SEPTIN7: variants seen among roughly 807,000 people sequenced by gnomAD.
The protein encoded by SEPTIN7 is septin-7.
A neutral mutation model predicts 63.3 loss-of-function variants in SEPTIN7; 10 were observed. The ratio of observed to expected loss-of-function variants is 0.16; its 90% CI spans 0.10 to 0.27. The LOEUF is 0.27. Ranked by LOEUF, SEPTIN7 falls within the 10% of genes least tolerant of loss-of-function variation. The pLI, the probability that SEPTIN7 is intolerant of heterozygous loss-of-function variation, is 1.00. For synonymous variants in SEPTIN7, 131 were observed against 165.3 expected, an observed-to-expected ratio of 0.79 and a Z score of 1.59; for missense variants, 310 against 521.0, an observed-to-expected ratio of 0.59 and a Z score of 3.94.
chr7:35,837,283 A>G (rs1784127741), intron 3 of SEPTIN7, among the ~76,000 whole-genome samples: 6 of 152,270 alleles, frequency 3.9e-5, no homozygotes, highest in South Asian at 4.1e-4. Context: ...GTAATGTTCT[A>G]TGATTGCCTT....
chr7:35,888,549 G>T (rs982470906), intron 10 of SEPTIN7, among the ~76,000 whole-genome samples: 1 of 152,124 alleles, frequency 6.6e-6, no homozygotes, highest in African/African-American at 2.4e-5. Flanking sequence ...GCCAGGTGCA[G>T]TGGTTCACAC....
chr7:35,816,437 T>A (rs990825058), intron 1 of SEPTIN7, among the ~76,000 whole-genome samples: 37 of 152,234 alleles, frequency 2.4e-4, no homozygotes, highest in African/African-American at 8.2e-4. Flanking sequence ...CTGGATATTA[T>A]TCTGTTGTAT....
At chr7:35,843,230 A>G (rs1784494901) in intron 3 of SEPTIN7, among the ~76,000 whole-genome samples, 1 of 152,218 alleles carries the variant, frequency 6.6e-6, no homozygotes, top group African/African-American at 2.4e-5. Flanking sequence ...AGGGGGAGGC[A>G]GTGGCCCTGC....
intron 1 of SEPTIN7, among the ~76,000 whole-genome samples, chr7:35,807,402 C>G (rs1057351228): frequency 6.9e-6 from 1 of 145,162 alleles, no homozygotes; most frequent in Non-Finnish European, 1.5e-5. Context: ...CTCTGTGTCG[C>G]CCAGGCTGGA....
chr7:35,828,702 C>G (rs1783648045), intron 1 of SEPTIN7, among the ~76,000 whole-genome samples: 1 of 152,112 alleles, frequency 6.6e-6, no homozygotes. Context: ...TATAGTCTGT[C>G]TTTGGGAATC....
chr7:35,801,302 G>C (rs1215367225), intron 1 of SEPTIN7, 32 bp downstream of exon 1: 1 of 1,516,718 alleles, frequency 6.6e-7, no homozygotes, highest in African/African-American at 1.4e-5. Context: ...CGCGACTTGG[G>C]GTCAGCGGCT....
At chr7:35,842,313 G>T (rs1784445425) in intron 3 of SEPTIN7, among the ~76,000 whole-genome samples, 1 of 150,468 alleles carries the variant, frequency 6.6e-6, no homozygotes, top group Admixed American at 6.6e-5. Flanking sequence ...TGGTAAATTT[G>T]CCAACCTTGT....
chr7:35,825,871 A>G (rs980839563), intron 1 of SEPTIN7, among the ~76,000 whole-genome samples: 10 of 152,158 alleles, frequency 6.6e-5, no homozygotes, highest in Non-Finnish European at 1.3e-4. Flanking sequence ...AATCTTTTTA[A>G]CAGATTAACT....
At chr7:35,863,511 A>AG (rs1323847159) in intron 3 of SEPTIN7, 41 bp from the exon 4 acceptor site, 21 of 1,223,964 alleles carry the variant, frequency 1.7e-5, no homozygotes, top group Non-Finnish European at 2.3e-5. Flanking sequence ...GATTGCGTAA[A>AG]GTGGGTGAGT....
intron 4 of SEPTIN7, among the ~76,000 whole-genome samples, chr7:35,865,490 A>T (rs865821100): frequency 6.6e-6 from 1 of 151,464 alleles, no homozygotes; most frequent in African/African-American, 2.4e-5. Flanking sequence ...ATCGTATGCT[A>T]CTCCATTGTG....
chr7:35,848,412 C>A (rs1269935373), intron 3 of SEPTIN7, among the ~76,000 whole-genome samples: 14 of 152,088 alleles, frequency 9.2e-5, no homozygotes, highest in African/African-American at 2.2e-4. Context: ...GGACCACAGG[C>A]GCCCACCACC....
At chr7:35,843,989 A>G (rs1784534938) in intron 3 of SEPTIN7, among the ~76,000 whole-genome samples, 1 of 152,202 alleles carries the variant, frequency 6.6e-6, no homozygotes, top group Admixed American at 6.5e-5. Context: ...TATGTTACAG[A>G]TGGAAATAAT....
intron 4 of SEPTIN7, among the ~76,000 whole-genome samples, chr7:35,864,882 A>C (rs1168557082): frequency 1.3e-5 from 2 of 152,156 alleles, no homozygotes; most frequent in Non-Finnish European, 2.9e-5. Flanking sequence ...ATCCCAGTGC[A>C]CAGGATGGAG....
At chr7:35,888,884 C>CATAGGTATTTGTT (rs1787457608) in intron 10 of SEPTIN7, 1 of 309,144 alleles carries the variant, frequency 3.2e-6, no homozygotes, top group Admixed American at 4.0e-5. Flanking sequence ...TTTATATTGG[C>CATAGGTATTTGTT]ATAGGTATTT....
At chr7:35,811,911 A>C (rs969553974) in intron 1 of SEPTIN7, 1 of 156,880 alleles carries the variant, frequency 6.4e-6, no homozygotes, top group African/African-American at 2.4e-5. Context: ...AATCCCAGCT[A>C]CTCGGGAGGC....
chr7:35,801,315 G>C, intron 1 of SEPTIN7, 45 bp downstream of exon 1: 1 of 1,513,746 alleles, frequency 6.6e-7, no homozygotes, highest in Middle Eastern at 2.1e-4. Flanking sequence ...CAGCGGCTCC[G>C]AATGCCGGGA....
rs138832823 is a variant in SEPTIN7 at position 35,804,483 on chromosome 7, C to T, written c.61+3213C>T. On this transcript the variant is annotated intron_variant, in intron 1 of 13. Transcript: ENST00000350320. ...CCTTGTGACTTACACTTGGTGCAGT[C>T]CAGCTATCCAGATGTAGGGATTACA... 2.0e-5 allele frequency among the ~76,000 whole-genome samples: 3 copies of T among 152,266 alleles called. No individual in the cohort carries two copies. The East Asian group carries it at 5.8e-4, about 29-fold the overall frequency.
intron 1 of SEPTIN7, among the ~76,000 whole-genome samples, chr7:35,819,600 A>G (rs1304896373): frequency 6.6e-6 from 1 of 152,090 alleles, no homozygotes; most frequent in African/African-American, 2.4e-5. Flanking sequence ...AGCTTTGTGC[A>G]ATTTGGGGAC....
intron 3 of SEPTIN7, among the ~76,000 whole-genome samples, chr7:35,846,155 T>C (rs1042252027): frequency 3.9e-5 from 6 of 152,246 alleles, no homozygotes; most frequent in Non-Finnish European, 8.8e-5. Context: ...TGTAATACCA[T>C]ATTTATTTTG....
Sources: gnomAD v4.1 joint callset for allele counts (sites outside exome capture counted in the v4.1 genomes callset) on GRCh38, gnomAD v4.1.1 for gene constraint, MANE v1.5 for transcripts, NCBI Gene and HGNC (gene_info 2026-07-23, HGNC 2026-07-21) for gene names.